UBA6: variants seen among roughly 807,000 people sequenced by gnomAD.
UBA6 encodes the protein ubiquitin-like modifier-activating enzyme 6.
Under a neutral mutation model 148.3 loss-of-function variants are expected in UBA6, and 87 were observed. The ratio of observed to expected loss-of-function variants is 0.59; its 90% CI spans 0.49 to 0.70. The LOEUF is 0.70. Ranked by LOEUF, UBA6 falls within the 30% of genes least tolerant of loss-of-function variation. UBA6 has a pLI of 0.00. For missense variants in UBA6, 1,186 were observed against 1,241.2 expected, an observed-to-expected ratio of 0.96 and a Z score of 0.67; for synonymous variants, 376 against 401.0, an observed-to-expected ratio of 0.94 and a Z score of 0.75.
chr4:67,641,163 A>T lies in UBA6; in HGVS notation c.1542T>A (p.Pro514=). The change falls in exon 18 of 33, where the codon CCT becomes CCA. Residue 514 remains proline (P), a synonymous_variant. Coordinates refer to ENST00000322244, the MANE Select transcript of UBA6 (RefSeq NM_018227.6). ...SNLNRQFLFR[P]HHIQKPKSYT... ...AATAGCAACATACCTGTATGTGATG[A>T]GGACGAAATAGGAACTGTCTATTTA... is the stretch of plus-strand genomic sequence containing the variant. The T allele has an allele frequency of 6.3e-7, 1 of 1,592,600 alleles. No homozygotes were observed. Among genetic ancestry groups the T allele is most frequent in the Non-Finnish European group, 8.6e-7 (1 of 1,168,952 alleles).
At chr4:67,670,094 C>T (rs925973293) in intron 8 of UBA6, among the ~76,000 whole-genome samples, 1 of 152,022 alleles carries the variant, frequency 6.6e-6, no homozygotes, top group African/African-American at 2.4e-5. Flanking sequence ...GACCACACAC[C>T]ACCAGGCCCG....
intron 18 of UBA6, among the ~76,000 whole-genome samples, chr4:67,639,911 G>GGTTA (rs1729263325): frequency 6.6e-6 from 1 of 152,096 alleles, no homozygotes; most frequent in Admixed American, 6.6e-5. Flanking sequence ...GTTGACCATG[G>GGTTA]CTAACTGAAA....
At chr4:67,661,630 A>C (rs1577818976) in intron 13 of UBA6, 2 of 152,606 alleles carry the variant, frequency 1.3e-5, no homozygotes, top group Middle Eastern at 6.6e-3. Flanking sequence ...ATTTTTATAA[A>C]ATAAGAACAA....
chr4:67,691,169 C>G (rs1730685544), intron 2 of UBA6, among the ~76,000 whole-genome samples: 1 of 151,180 alleles, frequency 6.6e-6, no homozygotes, highest in Admixed American at 6.6e-5. Flanking sequence ...AACTTTGTAG[C>G]CTAGAAATAC....
intron 20 of UBA6, 151 bp from the exon 21 acceptor site, chr4:67,634,669 TAAGAG>T (rs1729093374): frequency 7.7e-6 from 4 of 519,206 alleles, no homozygotes; most frequent in Non-Finnish European, 1.3e-5. Context: ...TCTTAGGCAA[TAAGAG>T]AAGTTAATTC....
At chr4:67,634,667 A>T in intron 20 of UBA6, 149 bp from the exon 21 acceptor site, 1 of 525,054 alleles carries the variant, frequency 1.9e-6, no homozygotes, top group Non-Finnish European at 3.2e-6. Flanking sequence ...TCTCTTAGGC[A>T]ATAAGAGAAG....
chr4:67,639,719 CA>C lies in UBA6; in HGVS notation c.1555-596del, dbSNP rs1392859651. ...AAACCCTATATATACTATGTATTTT[CA>C]TATACACACATACCTATGATAAAGT... is the stretch of plus-strand genomic sequence containing the variant. On this transcript the variant is annotated intron_variant, in intron 18 of 32. Transcript: ENST00000322244. 3.3e-5 allele frequency among the ~76,000 whole-genome samples: 5 copies of C among 152,110 alleles called. No homozygotes were observed. The East Asian group carries it at 9.6e-4, about 29-fold the overall frequency.
chr4:67,698,020 C>A (rs1437595031), intron 1 of UBA6, among the ~76,000 whole-genome samples: 1 of 152,204 alleles, frequency 6.6e-6, no homozygotes, highest in Non-Finnish European at 1.5e-5. Context: ...TCTCCGTTTT[C>A]GCTTACTATC....
At chr4:67,621,102 A>G (rs1348283440) in intron 32 of UBA6, among the ~76,000 whole-genome samples, 1 of 152,260 alleles carries the variant, frequency 6.6e-6, no homozygotes, top group African/African-American at 2.4e-5. Flanking sequence ...CCACTAGTCA[A>G]TACACTTTAT....
chr4:67,698,589 C>T (rs1730895763), intron 1 of UBA6, among the ~76,000 whole-genome samples: 1 of 152,166 alleles, frequency 6.6e-6, no homozygotes, highest in African/African-American at 2.4e-5. Flanking sequence ...GATCTGAACC[C>T]AGGCAGTCTA....
chr4:67,644,598 T>C (rs932265391), intron 17 of UBA6, 100 bp downstream of exon 17: 32 of 676,422 alleles, frequency 4.7e-5, no homozygotes, highest in Non-Finnish European at 6.7e-5. Context: ...AATGCTCTAT[T>C]TTCAAAAAAC....
At chr4:67,623,472 T>C (rs1340508254) in intron 30 of UBA6, among the ~76,000 whole-genome samples, 2 of 152,226 alleles carry the variant, frequency 1.3e-5, no homozygotes, top group East Asian at 1.9e-4. Context: ...CAGTATGTTT[T>C]AGCAAGACAG....
chr4:67,654,369 T>A (rs1213654736), intron 13 of UBA6, among the ~76,000 whole-genome samples: 1 of 151,512 alleles, frequency 6.6e-6, no homozygotes, highest in Non-Finnish European at 1.5e-5. Flanking sequence ...CAGAAGAGAG[T>A]GGGGGCCAAT....
chr4:67,626,522 C>T (rs891927864), intron 27 of UBA6, 45 bp from the exon 28 acceptor site: 10 of 1,215,840 alleles, frequency 8.2e-6, no homozygotes, highest in Admixed American at 2.1e-5. Flanking sequence ...TCATTTCCTG[C>T]ATCTGTTTGG....
intron 30 of UBA6, 113 bp from the exon 31 acceptor site, chr4:67,623,335 A>G: frequency 1.5e-6 from 1 of 686,878 alleles, no homozygotes; most frequent in Admixed American, 2.7e-5. Flanking sequence ...ATCAGGCTAG[A>G]AATTAATGTG....
At chr4:67,626,822 C>G (rs772805868) in intron 27 of UBA6, among the ~76,000 whole-genome samples, 9 of 151,868 alleles carry the variant, frequency 5.9e-5, no homozygotes, top group Admixed American at 3.9e-4. Context: ...CTCATACAAT[C>G]TAAGTCCATA....
At chr4:67,677,524 C>T (rs1234900252) in intron 6 of UBA6, 87 bp downstream of exon 6, 4 of 607,582 alleles carry the variant, frequency 6.6e-6, no homozygotes, top group Non-Finnish European at 1.1e-5. Context: ...TCTCAATACA[C>T]TAGGTTAAAT....
chr4:67,640,322 C>G (rs28417123), intron 18 of UBA6, among the ~76,000 whole-genome samples: 23,086 of 152,158 alleles, frequency 0.15, 1,822 homozygotes, highest in South Asian at 0.22. Flanking sequence ...GACCCTGTTA[C>G]TTTGTCTATT....
chr4:67,623,253 A>G (rs1175491511), intron 30 of UBA6, 31 bp from the exon 31 acceptor site: 2 of 1,553,100 alleles, frequency 1.3e-6, no homozygotes, highest in South Asian at 1.1e-5. Flanking sequence ...GAACAGAAAC[A>G]TTGAAATTTT....
Sources: allele counts gnomAD v4.1 joint callset (sites outside exome capture counted in the v4.1 genomes callset), GRCh38; gene constraint gnomAD v4.1.1; transcripts MANE v1.5; gene names NCBI Gene and HGNC (gene_info 2026-07-23, HGNC 2026-07-21).